The following GJB6 variants were observed in gnomAD, a reference collection of about 807,000 sequenced individuals.
GJB6 encodes the protein gap junction beta-6 protein.
A neutral mutation model predicts 5.4 loss-of-function variants in GJB6; 5 were observed. That is an observed-to-expected ratio of 0.92 (90% CI 0.48 to 1.93). The LOEUF is 1.93. Ranked by LOEUF, GJB6 falls within the 30% of genes most tolerant of loss-of-function variation. GJB6 has a pLI of 0.01. For synonymous variants in GJB6, 136 were observed against 129.6 expected (o/e 1.05, Z -0.34); for missense variants, 298 against 326.9 (o/e 0.91, Z 0.68).
chr13:20,231,304 C>A (rs1416838239), intron 2 of GJB6, 78 bp downstream of exon 2: 1 of 152,242 alleles, frequency 6.6e-6, no homozygotes, highest in Non-Finnish European at 1.5e-5. Flanking sequence ...ACACTGAGGT[C>A]GCTGGGCCAG....
At chr13:20,231,624 T>C (rs1283073018) in intron 1 of GJB6, 119 bp from the exon 2 acceptor site, 1 of 152,252 alleles carries the variant, frequency 6.6e-6, no homozygotes, top group Non-Finnish European at 1.5e-5. Flanking sequence ...CGGGGACTTA[T>C]GCATCGGCCC....
At chr13:20,223,969 G>GA (rs751899723) in intron 4 of GJB6, among the ~76,000 whole-genome samples, 1,527 of 145,430 alleles carry the variant, frequency 0.01, 14 homozygotes, top group Middle Eastern at 0.018. Flanking sequence ...ACTCTGTCTC[G>GA]AAAAAAAAAA....
chr13:20,223,190 G>T lies in GJB6; in HGVS notation c.291C>A (p.Tyr97Ter). The change falls in exon 5 of 5, where the codon TAC becomes TAA. Residue 97 changes from tyrosine (Y) to a stop codon, truncating the protein, a stop_gained. Transcript: ENST00000647029. LOFTEE classifies it low-confidence loss of function (END_TRUNC). ...PALLVAMHVA[Y>*]YRHETTRKFR... is the part of the protein sequence containing the mutation. ...ACTTGCGAGTGGTTTCGTGCCTGTA[G>T]TAGGCCACATGCATGGCCACCAGCA... 6.2e-7 allele frequency: 1 copy of T among 1,612,320 alleles called. No homozygotes were observed. Among genetic ancestry groups the T allele is most frequent in the African/African-American group, 1.3e-5 (1 of 74,958 alleles).
intron 1 of GJB6, 71 bp downstream of exon 1, chr13:20,232,123 C>A (rs1870124349): frequency 6.6e-6 from 1 of 152,216 alleles, no homozygotes; most frequent in Admixed American, 6.5e-5. Context: ...GAGGAAATTC[C>A]TCCGCTGGGG....
intron 2 of GJB6, chr13:20,231,091 A>G (rs1050602730): frequency 3.3e-5 from 5 of 152,306 alleles, no homozygotes; most frequent in Admixed American, 2.6e-4. Flanking sequence ...AAAGCTCTCC[A>G]CAGGAGCAGT....
chr13:20,222,715 T>C lies in GJB6; in HGVS notation c.766A>G (p.Ile256Val), dbSNP rs149845267. 3.7e-6 allele frequency: 6 copies of C among 1,614,146 alleles called. No individual in the cohort carries two copies. Among genetic ancestry groups the C allele is most frequent in the Admixed American group, 3.3e-5 (2 of 60,026 alleles). ...ELISDSGQNA[I>V]TGFPS is the part of the protein sequence containing the mutation. ...AATGTTTAGCTTGGGAAACCTGTGA[T>C]TGCATTTTGACCACTATCTGAAATC... Residue 256 changes from isoleucine to valine, a missense_variant, in exon 5 of 5, where the codon ATC becomes GTC. Coordinates refer to ENST00000647029, the MANE Select transcript of GJB6 (RefSeq NM_001110219.3).
At chr13:20,223,630 C>A in intron 4 of GJB6, 135 bp from the exon 5 acceptor site, 1 of 752,022 alleles carries the variant, frequency 1.3e-6, no homozygotes, top group South Asian at 1.5e-5. Flanking sequence ...CCCTGCCCTG[C>A]TAGTCTGAGG....
chr13:20,223,425 C>G lies in GJB6; in HGVS notation c.56G>C (p.Ser19Thr). 1.9e-6 allele frequency: 3 copies of G among 1,614,084 alleles called. No homozygotes were observed. The African/African-American group carries it at 4.0e-5, about 22-fold the overall frequency. Residue 19 changes from serine to threonine, a missense_variant, in exon 5 of 5, where the codon AGC becomes ACC. By Grantham distance (58) the Ser-to-Thr change is moderately conservative. Transcript: ENST00000647029. The stretch of plus-strand genomic sequence containing the variant: ...GACTGTGATCCACACCTTCCCGATG[C>G]TGGTGGAGTGTTTGTTGACACCCCC... Reference protein sequence around the residue: ...FIGGVNKHSTSIGKVWITVIF... With the variant: ...FIGGVNKHSTTIGKVWITVIF...
intron 4 of GJB6, among the ~76,000 whole-genome samples, chr13:20,228,571 C>T (rs1869779913): frequency 6.6e-6 from 1 of 151,310 alleles, no homozygotes; most frequent in Admixed American, 6.6e-5. Context: ...GCAAGCTCCG[C>T]CTCCCGGGTT....
At chr13:20,229,788 T>A (rs1869947940) in intron 3 of GJB6, 39 bp from the exon 4 acceptor site, 1 of 76,920 alleles carries the variant, frequency 1.3e-5, no homozygotes, top group African/African-American at 4.8e-5. Context: ...CATATTCCTT[T>A]AACTCCCCCC....
chr13:20,228,438 A>G (rs113602962), intron 4 of GJB6, among the ~76,000 whole-genome samples: 66 of 152,036 alleles, frequency 4.3e-4, no homozygotes, highest in African/African-American at 1.5e-3. Flanking sequence ...CATAGTGAAG[A>G]ACTCGATGCT....
chr13:20,229,991 G>A (rs1189822231), intron 3 of GJB6: 1 of 151,810 alleles, frequency 6.6e-6, no homozygotes, highest in Non-Finnish European at 1.5e-5. Flanking sequence ...CCAATCTGAG[G>A]CCTCAAGCCC....
chr13:20,222,788 G>T lies in GJB6; in HGVS notation c.693C>A (p.His231Gln), dbSNP rs1869268178. ...RSKRAQTQKN[H>Q]PNHALKESKQ... ...TACTCTCCTTTAGGGCATGATTGGG[G>T]TGATTTTTTTGCGTCTGTGCTCTCT... Residue 231 changes from histidine to glutamine, a missense_variant, in exon 5 of 5, where the codon CAC becomes CAA. Coordinates refer to ENST00000647029, the MANE Select transcript of GJB6 (RefSeq NM_001110219.3). 6.2e-7 allele frequency: 1 copy of T among 1,613,832 alleles called. No individual in the cohort carries two copies. The highest frequency in any genetic ancestry group is 1.3e-5 in the African/African-American group (1 of 74,904).
intron 4 of GJB6, among the ~76,000 whole-genome samples, chr13:20,228,731 C>T (rs12870724): frequency 2.7e-5 from 4 of 150,930 alleles, no homozygotes; most frequent in Non-Finnish European, 5.9e-5. Flanking sequence ...TGATCCGCCC[C>T]CCTTGGCCTC....
chr13:20,227,043 G>C (rs899878714), intron 4 of GJB6, among the ~76,000 whole-genome samples: 3 of 152,062 alleles, frequency 2.0e-5, no homozygotes, highest in Non-Finnish European at 2.9e-5. Flanking sequence ...TCACAGAAAA[G>C]GTCAAGAGGT....
At chr13:20,226,989 G>A (rs928224997) in intron 4 of GJB6, among the ~76,000 whole-genome samples, 1 of 152,138 alleles carries the variant, frequency 6.6e-6, no homozygotes, top group Non-Finnish European at 1.5e-5. Flanking sequence ...ACAGATCAGG[G>A]AGCCAGAGGG....
chr13:20,228,370 T>C lies in GJB6; in HGVS notation c.-16+1210A>G, dbSNP rs532555336. Among the ~76,000 whole-genome samples, 5 of 152,382 alleles carry C rather than the reference T, an allele frequency of 3.3e-5. No homozygotes were observed. The South Asian group carries it at 1.0e-3, about 32-fold the overall frequency. ...TTCTGCAGTCTTCAACTTCTAAGAA[T>C]GTGATTACATTTAAACTTAAAAAGG... On this transcript the variant is annotated intron_variant, in intron 4 of 4. Coordinates refer to ENST00000647029, the MANE Select transcript of GJB6 (RefSeq NM_001110219.3).
At chr13:20,224,728 A>G (rs1390893029) in intron 4 of GJB6, among the ~76,000 whole-genome samples, 1 of 152,246 alleles carries the variant, frequency 6.6e-6, no homozygotes, top group Non-Finnish European at 1.5e-5. Flanking sequence ...AGGAGGTATC[A>G]TGGACCCTTT....
chr13:20,230,189 CA>C (rs1019110149), intron 3 of GJB6: 39 of 152,130 alleles, frequency 2.6e-4, no homozygotes, highest in African/African-American at 8.9e-4. Context: ...AATTTAGTGA[CA>C]AAAAACTTCA....
Sources: allele counts gnomAD v4.1 joint callset (sites outside exome capture counted in the v4.1 genomes callset), GRCh38; gene constraint gnomAD v4.1.1; transcripts MANE v1.5; gene names NCBI Gene and HGNC (gene_info 2026-07-23, HGNC 2026-07-21).